Variants in ADGRE2 observed in about 807,000 individuals in gnomAD.
ADGRE2 encodes the protein CD97 antigen.
ADGRE2 carries 83 observed loss-of-function variants against 100.8 expected under a neutral mutation model. The observed-to-expected ratio is 0.82, with a 90% CI of 0.69 to 0.99. ADGRE2 has a LOEUF of 0.99. Ranked by LOEUF, ADGRE2 falls within the 50% of genes least tolerant of loss-of-function variation. The probability of loss-of-function intolerance (pLI) is 0.00; values close to 1 mark genes in which losing one functional copy is unlikely to be tolerated. For missense variants in ADGRE2, 814 were observed against 1,035.7 expected (o/e 0.79, Z 2.94); for synonymous variants, 355 against 413.0 (o/e 0.86, Z 1.70).
At chr19:14,769,990 G>A (rs1018560491) in intron 5 of ADGRE2, among the ~76,000 whole-genome samples, 11 of 152,142 alleles carry the variant, frequency 7.2e-5, no homozygotes, top group South Asian at 2.1e-4. Context: ...GAGCCACTGC[G>A]CCCGGCCAGT....
chr19:14,736,850 G>GATATATAGATATCTATATAAT (rs2042767799), intron 20 of ADGRE2, among the ~76,000 whole-genome samples: 1 of 141,454 alleles, frequency 7.1e-6, no homozygotes, highest in Non-Finnish European at 1.5e-5. Flanking sequence ...TATATATTTA[G>GATATATAGATATCTATATAAT]AAATATATAG....
In ADGRE2 at chr19:14,778,380, G is replaced by A. The variant is rs1324863384; in HGVS notation, c.-295C>T. On this transcript the variant is annotated 5_prime_UTR_variant, in exon 1 of 21. Transcript: ENST00000315576. ...GCTAAGATGGTGCCACTGCACTCCA[G>A]CTTGGGTGATAGAGTGAGACCCTGT... 10 of 454,770 alleles carry A rather than the reference G, an allele frequency of 2.2e-5. No homozygotes were observed. Among genetic ancestry groups the A allele is most frequent in the Non-Finnish European group, 2.9e-5 (10 of 344,774 alleles). 28.2% of individuals were successfully genotyped at this position (454,770 alleles called of 1,614,324 possible).
At chr19:14,767,384 G>A (rs538015403) in intron 5 of ADGRE2, among the ~76,000 whole-genome samples, 1,755 of 151,964 alleles carry the variant, frequency 0.012, 19 homozygotes, top group Non-Finnish European at 0.017. Flanking sequence ...GACTACAGGC[G>A]CCCGCCACCA....
intron 20 of ADGRE2, among the ~76,000 whole-genome samples, chr19:14,739,314 A>AAC (rs1211239202): frequency 6.6e-6 from 1 of 152,176 alleles, no homozygotes; most frequent in Non-Finnish European, 1.5e-5. Context: ...AGTTTTAGGA[A>AAC]ACAGTAGAAG....
At chr19:14,757,627 T>C (rs1478079326) in intron 11 of ADGRE2, among the ~76,000 whole-genome samples, 1 of 152,128 alleles carries the variant, frequency 6.6e-6, no homozygotes, top group Non-Finnish European at 1.5e-5. Flanking sequence ...CTTCAACAAA[T>C]AGTGCTGGGA....
intron 11 of ADGRE2, among the ~76,000 whole-genome samples, chr19:14,759,624 G>C (rs2043639779): frequency 6.6e-6 from 1 of 150,594 alleles, no homozygotes. Flanking sequence ...AGCTTCCCAG[G>C]TAGCTGGGAT....
At chr19:14,759,787 G>A (rs2147328239) in intron 11 of ADGRE2, among the ~76,000 whole-genome samples, 1 of 145,230 alleles carries the variant, frequency 6.9e-6, no homozygotes, top group East Asian at 2.0e-4. Context: ...GAGCCACCAA[G>A]CCAGCCACCT....
chr19:14,776,773 C>A lies in ADGRE2; in HGVS notation c.-17G>T. The A allele has an allele frequency of 1.2e-6, 2 of 1,613,070 alleles. No homozygotes were observed. The highest frequency in any genetic ancestry group is 1.1e-5 in the South Asian group (1 of 90,838). On this transcript the variant is annotated 5_prime_UTR_variant, in exon 2 of 21. Transcript: ENST00000315576. ...GCCTCCCATGGTTCCAGCTGAGCTG[C>A]CGGCAGGAGCAGCAGGGGAAAGAGT...
chr19:14,755,296 T>A (rs2732803), intron 13 of ADGRE2, among the ~76,000 whole-genome samples, 169 bp from the exon 14 acceptor site: 353 of 9,058 alleles, frequency 0.039, 6 homozygotes, highest in East Asian at 0.12. Flanking sequence ...AAAAAAAAAA[T>A]ACAAAAATTA....
Position 14,751,420 on chromosome 19 carries a change from G to A in ADGRE2, c.2024+16C>T. 1 of 1,588,790 alleles carries A rather than the reference G, an allele frequency of 6.3e-7. No individual in the cohort carries two copies. Among genetic ancestry groups the A allele is most frequent in the South Asian group, 1.1e-5 (1 of 90,522 alleles). ...TTATGCCGGAGAAGATAAGGATTGTGAGAATTTGCACTAACCGGGAAGGTG... is the reference window on the plus strand; with the variant it reads ...TTATGCCGGAGAAGATAAGGATTGTAAGAATTTGCACTAACCGGGAAGGTG... On this transcript the variant is annotated intron_variant, in intron 16 of 20. Transcript: ENST00000315576.
chr19:14,724,582 A>G, the ADGRE2 span, among the ~76,000 whole-genome samples: 1 of 152,220 alleles, frequency 6.6e-6, no homozygotes, highest in African/African-American at 2.4e-5. Context: ...CCTGGCCAAC[A>G]TGGTGAAGCT....
chr19:14,749,410 T>C (rs1400958272), intron 16 of ADGRE2, among the ~76,000 whole-genome samples: 1 of 124,182 alleles, frequency 8.1e-6, no homozygotes, highest in Non-Finnish European at 1.8e-5. Context: ...TAATTATTTA[T>C]AGTTATATAA....
At chr19:14,741,091 GTTT>G (rs71333309) in intron 20 of ADGRE2, among the ~76,000 whole-genome samples, 19,373 of 116,484 alleles carry the variant, frequency 0.17, 1,259 homozygotes, top group Middle Eastern at 0.24. Context: ...TGAATAGGCT[GTTT>G]TTTTTTTTTT....
chr19:14,743,541 A>T lies in ADGRE2; in HGVS notation c.2353-11T>A, dbSNP rs188614890. ...ATATTGCTCCCGGACCTGCAGAGGCAAAGTGTGTACTGGGTCAGCTCACAG... is the reference window on the plus strand; with the variant it reads ...ATATTGCTCCCGGACCTGCAGAGGCTAAGTGTGTACTGGGTCAGCTCACAG... On this transcript the variant is annotated splice_polypyrimidine_tract_variant and intron_variant, in intron 19 of 20. Transcript: ENST00000315576. 6.2e-7 allele frequency: 1 copy of T among 1,613,870 alleles called. No homozygotes were observed. Among genetic ancestry groups the T allele is most frequent in the East Asian group, 2.2e-5 (1 of 44,886 alleles).
rs1164636524 is a variant in ADGRE2 at position 14,755,895 on chromosome 19, G to A, written c.1193-18C>T. The A allele has an allele frequency of 4.4e-6, 7 of 1,606,400 alleles. No homozygotes were observed. The African/African-American group carries it at 6.7e-5, about 15-fold the overall frequency. On this transcript the variant is annotated intron_variant, in intron 12 of 20. Transcript: ENST00000315576. ...AGAAGGGCCTGCAGGGCGAGGCCAA[G>A]GTTGAATCTTGGAGTAGGTTGAATC...
chr19:14,761,728 G>T (rs1301593190), intron 11 of ADGRE2, among the ~76,000 whole-genome samples: 1 of 152,174 alleles, frequency 6.6e-6, no homozygotes, highest in African/African-American at 2.4e-5. Context: ...TGCCAACCAC[G>T]TATACAGTAA....
intron 14 of ADGRE2, among the ~76,000 whole-genome samples, chr19:14,753,589 T>A (rs948760683): frequency 6.6e-6 from 1 of 151,666 alleles, no homozygotes; most frequent in South Asian, 2.1e-4. Context: ...AGGTAAGGAG[T>A]TCGAGACCAG....
intron 12 of ADGRE2, 122 bp from the exon 13 acceptor site, chr19:14,755,999 TC>T: frequency 2.5e-6 from 2 of 815,858 alleles, no homozygotes; most frequent in Non-Finnish European, 2.0e-6. Flanking sequence ...GCTTCACCCC[TC>T]CCACACTTTC....
intron 20 of ADGRE2, among the ~76,000 whole-genome samples, chr19:14,738,739 A>G (rs1334631516): frequency 6.6e-6 from 1 of 152,096 alleles, no homozygotes; most frequent in Non-Finnish European, 1.5e-5. Context: ...CTAGGTTCAT[A>G]GGAAACTCAG....
Sources: allele counts gnomAD v4.1 joint callset (sites outside exome capture counted in the v4.1 genomes callset), GRCh38; gene constraint gnomAD v4.1.1; transcripts MANE v1.5; gene names NCBI Gene and HGNC (gene_info 2026-07-23, HGNC 2026-07-21).